Variants in CDH18 observed in about 807,000 individuals in gnomAD.
The protein encoded by CDH18 is cadherin 18.
A neutral mutation model predicts 67.9 loss-of-function variants in CDH18; 31 were observed. That is an observed-to-expected ratio of 0.46 (90% CI 0.34 to 0.62). The LOEUF (loss-of-function observed/expected upper bound fraction) is 0.62. Ranked by LOEUF, CDH18 falls within the 20% of genes least tolerant of loss-of-function variation. CDH18 has a pLI of 0.01. For synonymous variants in CDH18, 362 were observed against 347.2 expected (o/e 1.04, Z -0.48); for missense variants, 890 against 975.5 (o/e 0.91, Z 1.17).
chr5:20,400,961 C>T (rs1021764911), intron 1 of CDH18, among the ~76,000 whole-genome samples: 1 of 152,176 alleles, frequency 6.6e-6, no homozygotes, highest in Non-Finnish European at 1.5e-5. Flanking sequence ...CCACACCTTA[C>T]TTATTCTTTA....
chr5:20,075,241 A>G (rs1244211112), intron 2 of CDH18, among the ~76,000 whole-genome samples: 1 of 152,194 alleles, frequency 6.6e-6, no homozygotes, highest in African/African-American at 2.4e-5. Context: ...GCAGTGGATC[A>G]CACCTGTAAT....
At chr5:20,134,172 T>A (rs1470555697) in intron 2 of CDH18, among the ~76,000 whole-genome samples, 1 of 152,156 alleles carries the variant, frequency 6.6e-6, no homozygotes, top group Non-Finnish European at 1.5e-5. Context: ...AGTTTTGCCA[T>A]GTTGGCCGCA....
In CDH18 at chr5:19,548,752, CTT is replaced by C. The variant is rs5866388; in HGVS notation, c.1254-4749_1254-4748del. Among the ~76,000 whole-genome samples, 547 of 137,794 alleles carry C rather than the reference CTT, an allele frequency of 4.0e-3. 5 individuals are homozygous for C. Among genetic ancestry groups the C allele is most frequent in the African/African-American group, 0.012 (465 of 37,856 alleles). The allele number at this position is 137,794 out of a possible 152,430, so 90.4% of individuals were successfully genotyped here. A position where few individuals can be genotyped will look rare whatever the true frequency, so the allele number is the denominator to read the frequency against. On this transcript the variant is annotated intron_variant, in intron 8 of 12. Transcript: ENST00000382275. ...AGGTCTACTGAGTAATATTTATCAG[CTT>C]TTTTTTTTTTTTTTTTATGAAGTGT...
intron 2 of CDH18, among the ~76,000 whole-genome samples, chr5:19,920,699 A>G (rs1272994152): frequency 6.6e-6 from 1 of 151,648 alleles, no homozygotes; most frequent in Non-Finnish European, 1.5e-5. Flanking sequence ...TTTTTAGTAG[A>G]GACGGGGTTT....
intron 5 of CDH18, among the ~76,000 whole-genome samples, chr5:19,699,299 A>G (rs888286979): frequency 1.3e-5 from 2 of 152,140 alleles, no homozygotes; most frequent in Admixed American, 1.3e-4. Context: ...GATCTATGAA[A>G]GGCTAGTTAG....
intron 2 of CDH18, among the ~76,000 whole-genome samples, chr5:20,241,368 G>A (rs1465694732): frequency 6.6e-6 from 1 of 152,124 alleles, no homozygotes; most frequent in Admixed American, 6.6e-5. Context: ...CCTAACAGCA[G>A]ACGAGAGGCT....
At chr5:20,429,451 G>C (rs1424380253) in intron 1 of CDH18, among the ~76,000 whole-genome samples, 1 of 152,086 alleles carries the variant, frequency 6.6e-6, no homozygotes, top group Non-Finnish European at 1.5e-5. Context: ...TCTACTTTAT[G>C]ATTTAACCCA....
chr5:19,819,316 T>C (rs1779609551), intron 3 of CDH18, among the ~76,000 whole-genome samples: 1 of 152,168 alleles, frequency 6.6e-6, no homozygotes, highest in Non-Finnish European at 1.5e-5. Flanking sequence ...ATTAAAAATT[T>C]AGTAAAGTAG....
At chr5:20,377,971 C>A (rs1423836294) in intron 1 of CDH18, among the ~76,000 whole-genome samples, 2 of 46,510 alleles carry the variant, frequency 4.3e-5, no homozygotes, top group African/African-American at 9.7e-5. Context: ...TTTAATGGAA[C>A]AATTATGAAT....
At chr5:20,461,381 C>T (rs948881552) in intron 1 of CDH18, among the ~76,000 whole-genome samples, 6 of 152,118 alleles carry the variant, frequency 3.9e-5, no homozygotes, top group Non-Finnish European at 8.8e-5. Flanking sequence ...TCAACTACAA[C>T]TATGCTAAAA....
At chr5:20,064,862 T>C (rs922967501) in intron 2 of CDH18, among the ~76,000 whole-genome samples, 2 of 152,064 alleles carry the variant, frequency 1.3e-5, no homozygotes, top group Non-Finnish European at 2.9e-5. Flanking sequence ...AGATATGAAA[T>C]TCTCTACAAA....
intron 9 of CDH18, among the ~76,000 whole-genome samples, chr5:19,540,941 G>T (rs945012631): frequency 2.0e-5 from 3 of 152,128 alleles, no homozygotes; most frequent in African/African-American, 7.2e-5. Context: ...TCTGCAGCAG[G>T]CTCGAATTTC....
intron 2 of CDH18, among the ~76,000 whole-genome samples, chr5:20,064,683 T>G (rs1328428585): frequency 1.3e-5 from 2 of 152,058 alleles, no homozygotes; most frequent in Non-Finnish European, 2.9e-5. Flanking sequence ...TATGTGACCT[T>G]ACCAATTAAA....
chr5:19,817,618 G>A (rs1211589087), intron 3 of CDH18, among the ~76,000 whole-genome samples: 5 of 151,968 alleles, frequency 3.3e-5, no homozygotes, highest in African/African-American at 4.8e-5. Flanking sequence ...TCATTAATAT[G>A]GCTATCAAAG....
intron 2 of CDH18, among the ~76,000 whole-genome samples, chr5:20,152,727 T>C (rs1751220018): frequency 6.6e-6 from 1 of 152,144 alleles, no homozygotes. Context: ...TAGTGCTGAA[T>C]TGACATCACC....
chr5:20,342,994 A>G (rs10079822), intron 1 of CDH18, among the ~76,000 whole-genome samples: 16,852 of 152,200 alleles, frequency 0.11, 1,020 homozygotes, highest in Non-Finnish European at 0.13. Flanking sequence ...CAGCACCTGC[A>G]TCTTTGAAGA....
chr5:19,624,785 G>T (rs1751262201), intron 5 of CDH18, among the ~76,000 whole-genome samples: 1 of 152,168 alleles, frequency 6.6e-6, no homozygotes, highest in Admixed American at 6.5e-5. Context: ...AACCTGCTTT[G>T]TTCCCCTTAA....
At chr5:19,868,010 C>T (rs986682805) in intron 2 of CDH18, among the ~76,000 whole-genome samples, 2 of 152,148 alleles carry the variant, frequency 1.3e-5, no homozygotes, top group African/African-American at 2.4e-5. Context: ...TTCCTGCCAT[C>T]ACATGAAGAA....
chr5:19,638,093 C>T (rs1450716900), intron 5 of CDH18, among the ~76,000 whole-genome samples: 1 of 152,046 alleles, frequency 6.6e-6, no homozygotes, highest in East Asian at 1.9e-4. Context: ...TAACAAAACC[C>T]AAATACCTTA....
Sources: gnomAD v4.1 joint callset for allele counts (sites outside exome capture counted in the v4.1 genomes callset) on GRCh38, gnomAD v4.1.1 for gene constraint, MANE v1.5 for transcripts, NCBI Gene and HGNC (gene_info 2026-07-23, HGNC 2026-07-21) for gene names.